Variants in PGF observed in about 807,000 individuals in gnomAD.
The protein encoded by PGF is placental growth factor, also known as placenta growth factor.
PGF carries 11 observed loss-of-function variants against 25.3 expected under a neutral mutation model. The observed-to-expected ratio is 0.43, with a 90% confidence interval of 0.27 to 0.72. The LOEUF (loss-of-function observed/expected upper bound fraction) is 0.72. Ranked by LOEUF, PGF falls within the 30% of genes least tolerant of loss-of-function variation. The pLI, the probability that PGF is intolerant of heterozygous loss-of-function variation, is 0.18. For synonymous variants in PGF, 105 were observed against 97.9 expected (o/e 1.07, Z -0.43); for missense variants, 230 against 234.9 (o/e 0.98, Z 0.14).
At chr14:74,949,238 G>A in intron 3 of PGF, 119 bp downstream of exon 3, 1 of 785,246 alleles carries the variant, frequency 1.3e-6, no homozygotes, top group Non-Finnish European at 1.9e-6. Flanking sequence ...GGCTGGGGTG[G>A]TAGGAGCACT....
intron 4 of PGF, chr14:74,947,427 G>A (rs1417346288): frequency 6.5e-6 from 1 of 153,220 alleles, no homozygotes; most frequent in Non-Finnish European, 1.5e-5. Flanking sequence ...GGCTAAGCCT[G>A]GGGGCTATTA....
At chr14:74,949,002 A>C (rs906907363) in intron 3 of PGF, among the ~76,000 whole-genome samples, 1 of 152,206 alleles carries the variant, frequency 6.6e-6, no homozygotes, top group Non-Finnish European at 1.5e-5. Flanking sequence ...ATTACTCAGT[A>C]AGTGCTCAGT....
In PGF at chr14:74,948,589, G is replaced by C. The variant is rs1207018437; in HGVS notation, c.316-6C>G. 2 of 1,594,006 alleles carry C rather than the reference G, an allele frequency of 1.3e-6. No homozygotes were observed. The highest frequency in any genetic ancestry group is 1.7e-6 in the Non-Finnish European group (2 of 1,164,828). On this transcript the variant is annotated splice_region_variant and splice_polypyrimidine_tract_variant and intron_variant, in intron 3 of 6. Coordinates refer to ENST00000555567, the MANE Select transcript of PGF (RefSeq NM_002632.6). ...CCAGAACGGATCTTTAGGAGCTGAA[G>C]GAAGAAAGAGTTGATGCCTGGATTG...
Position 74,955,260 on chromosome 14 carries a change from G to A in PGF, c.-18C>T. 2.1e-6 allele frequency: 3 copies of A among 1,421,400 alleles called. No homozygotes were observed. Among genetic ancestry groups the A allele is most frequent in the Non-Finnish European group, 2.8e-6 (3 of 1,072,284 alleles). The allele number at this position is 1,421,400 out of a possible 1,614,324, so 88.0% of individuals were successfully genotyped here. ...ACCGGCATCTTCTCAGACGTCCCGA[G>A]CCAGGGGGCTCCGAGGGAAAACCAC... On this transcript the variant is annotated 5_prime_UTR_variant, in exon 1 of 7. Coordinates refer to ENST00000555567, the MANE Select transcript of PGF (RefSeq NM_002632.6). The surrounding 1 kb of genome is among the most constrained non-coding windows in gnomAD (Gnocchi z 4.1).
chr14:74,949,693 G>A, intron 2 of PGF, 140 bp from the exon 3 acceptor site: 3 of 542,424 alleles, frequency 5.5e-6, no homozygotes, highest in African/African-American at 1.9e-5. Context: ...AACTCCTAAT[G>A]TGATCCCTCC....
chr14:74,945,368 T>A (rs949269541), intron 6 of PGF: 2 of 152,156 alleles, frequency 1.3e-5, no homozygotes, highest in Non-Finnish European at 2.9e-5. Context: ...TTTCCCAAAT[T>A]GCCGCGCGGG....
At chr14:74,948,973 G>A (rs543607978) in intron 3 of PGF, among the ~76,000 whole-genome samples, 3 of 152,200 alleles carry the variant, frequency 2.0e-5, no homozygotes, top group Admixed American at 6.5e-5. Flanking sequence ...CTTGTGGCAC[G>A]CCTAGGACAG....
chr14:74,942,389 C>A lies in PGF; in HGVS notation c.*317G>T. 2.9e-6 allele frequency: 1 copy of A among 343,340 alleles called. No individual in the cohort carries two copies. The highest frequency in any genetic ancestry group is 5.3e-6 in the Non-Finnish European group (1 of 188,322). The allele number at this position is 343,340 out of a possible 1,614,324, so 21.3% of individuals were successfully genotyped here. A position where few individuals can be genotyped will look rare whatever the true frequency, so the allele number is the denominator to read the frequency against. On this transcript the variant is annotated 3_prime_UTR_variant, in exon 7 of 7. Coordinates refer to ENST00000555567, the MANE Select transcript of PGF (RefSeq NM_002632.6). ...AACAGGTAGCAGGGCCCCCTTCTTT[C>A]CTTCTGCAGGCCCCTGGAGACCTCC...
Position 74,948,346 on chromosome 14 carries a change from C to T in PGF, c.392+161G>A, listed in dbSNP as rs901419991. On this transcript the variant is annotated intron_variant, in intron 4 of 6. Transcript: ENST00000555567. Reference sequence around the variant, plus strand: ...GGTGGGGGGACAAAATGAATGGTAGCCACCCCTGGTCCTGCCCTCTTGGTC... The same window carrying T: ...GGTGGGGGGACAAAATGAATGGTAGTCACCCCTGGTCCTGCCCTCTTGGTC... 4 of 499,758 alleles carry T rather than the reference C, an allele frequency of 8.0e-6. No individual in the cohort carries two copies. The Admixed American group carries it at 1.5e-4, about 19-fold the overall frequency. 31.0% of individuals were successfully genotyped at this position (499,758 alleles called of 1,614,324 possible). A position where few individuals can be genotyped will look rare whatever the true frequency, so the allele number is the denominator to read the frequency against.
At chr14:74,947,639 C>T (rs1377712708) in intron 4 of PGF, 1 of 152,228 alleles carries the variant, frequency 6.6e-6, no homozygotes, top group East Asian at 1.9e-4. Flanking sequence ...CCTTGCTCAC[C>T]ACTGCATCCC....
intron 4 of PGF, 133 bp downstream of exon 4, chr14:74,948,374 C>T: frequency 1.8e-6 from 1 of 556,594 alleles, no homozygotes; most frequent in East Asian, 3.1e-5. Flanking sequence ...TCTTGGTCTC[C>T]CTCAGTCTGG....
In PGF at chr14:74,952,120, G is replaced by C. The variant is rs568437473; in HGVS notation, c.118+1784C>G. Among the ~76,000 whole-genome samples, 7 of 152,294 alleles carry C rather than the reference G, an allele frequency of 4.6e-5. No individual in the cohort carries two copies. In the East Asian group the frequency reaches 1.4e-3, roughly 29 times the overall value. On this transcript the variant is annotated intron_variant, in intron 2 of 6. Coordinates refer to ENST00000555567, the MANE Select transcript of PGF (RefSeq NM_002632.6). ...TCCTGAGGCTGCAAGTGTGCCCTCA[G>C]CTCTCTCGCCAGCCCTGTGAGTGAG...
chr14:74,946,863 G>C, intron 4 of PGF: 1 of 761,224 alleles, frequency 1.3e-6, no homozygotes, highest in Non-Finnish European at 2.4e-6. Context: ...AACAACATGG[G>C]GAGTGAGCGA....
rs35014548 is a variant in PGF at position 74,953,918 on chromosome 14, G to A, written c.104C>T (p.Ser35Leu). The A allele has an allele frequency of 2.2e-5, 36 of 1,613,776 alleles. 1 individual carries two copies. The highest frequency in any genetic ancestry group is 6.7e-5 in the African/African-American group (5 of 74,886). The change falls in exon 2 of 7, where the codon TCG (serine) becomes TTG (leucine). Residue 35 changes from serine (S) to leucine (L), a missense_variant. Transcript: ENST00000555567. The surrounding 1 kb of genome is among the most constrained non-coding windows in gnomAD (Gnocchi z 5.4). ...QQWALSAGNG[S>L]SEVEVVPFQE... is the part of the protein sequence containing the mutation. ...GGCCAGCTTACCTTCCACCTCTGAC[G>A]AGCCGTTCCCAGCAGACAAGGCCCA...
At position 74,955,111 on chromosome 14, in the gene PGF, T is replaced by TC. The variant is rs1361720852; in HGVS notation, c.75+56_75+57insG. On this transcript the variant is annotated intron_variant, in intron 1 of 6. Coordinates refer to ENST00000555567, the MANE Select transcript of PGF (RefSeq NM_002632.6). This position sits in a 1 kb window ranked among gnomAD's most constrained non-coding sequence, Gnocchi z 4.1. ...GGTCTGTGATTTCAGAGTCCCATGC[T>TC]TCCAGTGCTGGGATGGGGAGGTCTG... 3 of 980,008 alleles carry TC rather than the reference T, an allele frequency of 3.1e-6. No individual in the cohort carries two copies. Among genetic ancestry groups the TC allele is most frequent in the Non-Finnish European group, 4.3e-6 (3 of 700,380 alleles). The allele number at this position is 980,008 out of a possible 1,614,324, so 60.7% of individuals were successfully genotyped here. A position where few individuals can be genotyped will look rare whatever the true frequency, so the allele number is the denominator to read the frequency against.
At chr14:74,948,691 G>C in intron 3 of PGF, 108 bp from the exon 4 acceptor site, 1 of 648,106 alleles carries the variant, frequency 1.5e-6, no homozygotes, top group Non-Finnish European at 2.7e-6. Flanking sequence ...CTGCTAGCCT[G>C]TGGACTACAG....
Position 74,955,326 on chromosome 14 carries a change from G to A in PGF, c.-84C>T. On this transcript the variant is annotated 5_prime_UTR_variant, in exon 1 of 7. Transcript: ENST00000555567. The surrounding 1 kb of genome is among the most constrained non-coding windows in gnomAD (Gnocchi z 4.1). Reference sequence around the variant, plus strand: ...GGGAGCCCCTGGCACAGGAGGAGAAGAGCTGAGTGGGGGGCTGGACGCCTC... The same window carrying A: ...GGGAGCCCCTGGCACAGGAGGAGAAAAGCTGAGTGGGGGGCTGGACGCCTC... 2 of 767,282 alleles carry A rather than the reference G, an allele frequency of 2.6e-6. No individual in the cohort carries two copies. Among genetic ancestry groups the A allele is most frequent in the Non-Finnish European group, 3.8e-6 (2 of 525,146 alleles). 47.5% of individuals were successfully genotyped at this position (767,282 alleles called of 1,614,324 possible). A position where few individuals can be genotyped will look rare whatever the true frequency, so the allele number is the denominator to read the frequency against.
At chr14:74,948,010 G>T (rs1241969349) in intron 4 of PGF, 1 of 152,912 alleles carries the variant, frequency 6.5e-6, no homozygotes, top group African/African-American at 2.4e-5. Context: ...CAACATCAAG[G>T]AAGCCACAGT....
chr14:74,945,504 T>C (rs1051112350), intron 6 of PGF: 4 of 152,342 alleles, frequency 2.6e-5, no homozygotes, highest in Admixed American at 2.0e-4. Context: ...AATGACTTCC[T>C]GGAGTCACGT....
Sources: gnomAD v4.1 joint callset for allele counts (sites outside exome capture counted in the v4.1 genomes callset) on GRCh38, gnomAD v4.1.1 for gene constraint, Gnocchi (gnomAD v3.1) non-coding constraint, MANE v1.5 for transcripts, NCBI Gene and HGNC (gene_info 2026-07-23, HGNC 2026-07-21) for gene names.